The following NT5C3A variants were observed in gnomAD, a reference collection of about 807,000 sequenced individuals.
NT5C3A encodes 5'-nucleotidase, cytosolic IIIA, also known as cytosolic 5'-nucleotidase 3A.
NT5C3A carries 23 observed loss-of-function variants against 40.0 expected under a neutral mutation model. The ratio of observed to expected loss-of-function variants is 0.58; its 90% CI spans 0.41 to 0.81. NT5C3A has a LOEUF of 0.81. Among genes scored for constraint, NT5C3A ranks in the 40% least tolerant of loss-of-function variants. The pLI is 0.00. For missense variants in NT5C3A, 328 were observed against 403.0 expected (o/e 0.81, Z 1.59); for synonymous variants, 130 against 141.4 (o/e 0.92, Z 0.57).
intron 1 of NT5C3A, among the ~76,000 whole-genome samples, chr7:33,044,114 C>T (rs1787042892): frequency 6.6e-6 from 1 of 151,738 alleles, no homozygotes; most frequent in African/African-American, 2.4e-5. Context: ...GCAACCTCTG[C>T]CTTCCCAGGT....
chr7:33,017,712 C>T, intron 6 of NT5C3A, 111 bp from the exon 7 acceptor site: 2 of 868,146 alleles, frequency 2.3e-6, no homozygotes, highest in Admixed American at 1.8e-5. Flanking sequence ...CACTCATATT[C>T]TCATTTCAAT....
At chr7:33,021,748 A>T (rs1442242712) in intron 4 of NT5C3A, 2 of 427,464 alleles carry the variant, frequency 4.7e-6, no homozygotes, top group South Asian at 2.7e-5. Context: ...AAACCTATAG[A>T]AAACTGAAGT....
At position 33,014,661 on chromosome 7, in the gene NT5C3A, T is replaced by C. The variant is rs766101108; in HGVS notation, c.*69A>G. The stretch of plus-strand genomic sequence containing the variant: ...TAAGGATATATTATAAATAAGTCTC[T>C]CAGCAAGATGAACGGATGAACAGTT... On this transcript the variant is annotated 3_prime_UTR_variant, in exon 9 of 9. Coordinates refer to ENST00000610140, the MANE Select transcript of NT5C3A (RefSeq NM_001002010.5). 6.3e-7 allele frequency: 1 copy of C among 1,594,066 alleles called. No homozygotes were observed. Among genetic ancestry groups the C allele is most frequent in the East Asian group, 2.2e-5 (1 of 44,542 alleles).
chr7:33,045,440 G>T (rs1300601831), intron 1 of NT5C3A, among the ~76,000 whole-genome samples: 1 of 151,840 alleles, frequency 6.6e-6, no homozygotes, highest in Admixed American at 6.6e-5. Context: ...CATATTTTTT[G>T]AAAATGAATG....
intron 1 of NT5C3A, chr7:33,040,808 A>T: frequency 1.2e-6 from 1 of 823,700 alleles, no homozygotes; most frequent in Non-Finnish European, 1.5e-6. Context: ...AAGTTATAGA[A>T]TCAAATAAGA....
chr7:33,021,279 C>T lies in NT5C3A; in HGVS notation c.433G>A (p.Val145Met), dbSNP rs1395136393. 1.2e-6 allele frequency: 2 copies of T among 1,611,946 alleles called. No individual in the cohort carries two copies. The highest frequency in any genetic ancestry group is 1.7e-6 in the Non-Finnish European group (2 of 1,178,782). ...LTVEEKYPYMVEWYTKSHGLL... is the reference protein window; with the variant it reads ...LTVEEKYPYMMEWYTKSHGLL... ...TGCCTAATATACACTTACCATTCCA[C>T]CATATAAGGGTACTTCTCTTCTACA... Residue 145 changes from valine to methionine, a missense_variant, in exon 5 of 9, where the codon GTG becomes ATG. Physicochemically the swap from Val to Met is conservative, Grantham distance 21. Coordinates refer to ENST00000610140, the MANE Select transcript of NT5C3A (RefSeq NM_001002010.5).
intron 7 of NT5C3A, among the ~76,000 whole-genome samples, chr7:33,016,080 A>G (rs772465071): frequency 6.6e-6 from 1 of 152,134 alleles, no homozygotes; most frequent in Non-Finnish European, 1.5e-5. Context: ...TACTATTTTA[A>G]ATGGTAAAAC....
At position 33,017,529 on chromosome 7, in the gene NT5C3A, G is replaced by T; in HGVS notation, c.603C>A (p.Ile201=). Residue 201 remains isoleucine, a synonymous_variant, in exon 7 of 9, where the codon ATC becomes ATA. Coordinates refer to ENST00000610140, the MANE Select transcript of NT5C3A (RefSeq NM_001002010.5). The stretch of plus-strand genomic sequence containing the variant: ...GAATAACTTCCTCTAGTACATCGCC[G>T]ATTCCAGCCGAAAATATGAACACGG... ...SIPVFIFSAG[I]GDVLEEVIRQ... is the part of the protein sequence containing the mutation. The T allele has an allele frequency of 6.2e-7, 1 of 1,613,502 alleles. No individual in the cohort carries two copies. The highest frequency in any genetic ancestry group is 1.7e-4 in the Middle Eastern group (1 of 6,060).
chr7:33,051,404 C>T (rs999454214), intron 1 of NT5C3A, among the ~76,000 whole-genome samples: 7 of 152,010 alleles, frequency 4.6e-5, no homozygotes, highest in African/African-American at 1.4e-4. Context: ...CTTTGTGATC[C>T]GCCCGCCTCG....
chr7:33,047,792 A>G (rs1016690563), intron 1 of NT5C3A, among the ~76,000 whole-genome samples: 2 of 152,212 alleles, frequency 1.3e-5, no homozygotes, highest in African/African-American at 4.8e-5. Context: ...ATTGTATGAT[A>G]TAAAAAGAAT....
At position 33,062,563 on chromosome 7, in the gene NT5C3A, C is replaced by A. The variant is rs756667436; in HGVS notation, c.138+5G>T. The A allele has an allele frequency of 6.2e-7, 1 of 1,609,792 alleles. No homozygotes were observed. The highest frequency in any genetic ancestry group is 1.1e-5 in the South Asian group (1 of 90,816). ...GCTCTGGGCGCGCCGAGCCTCCACA[C>A]TCACCATCTCGATGATCTTGGTCTT... On this transcript the variant is annotated splice_donor_5th_base_variant and intron_variant, in intron 1 of 8. Transcript: ENST00000610140.
intron 1 of NT5C3A, among the ~76,000 whole-genome samples, chr7:33,027,671 G>C (rs1447469998): frequency 6.6e-6 from 1 of 151,428 alleles, no homozygotes; most frequent in Non-Finnish European, 1.5e-5. Flanking sequence ...GCAATCCAGA[G>C]AGCCCAGAAA....
intron 1 of NT5C3A, among the ~76,000 whole-genome samples, chr7:33,028,332 T>G (rs1786062125): frequency 6.6e-6 from 1 of 152,194 alleles, no homozygotes; most frequent in African/African-American, 2.4e-5. Flanking sequence ...AACAATTTAA[T>G]CTTAAGTATT....
At chr7:33,049,962 T>G (rs1583963409) in intron 1 of NT5C3A, among the ~76,000 whole-genome samples, 2 of 104,400 alleles carry the variant, frequency 1.9e-5, no homozygotes, top group Admixed American at 2.7e-4. Flanking sequence ...AGAGGGAGAC[T>G]CCATCTCAAA....
intron 1 of NT5C3A, among the ~76,000 whole-genome samples, chr7:33,052,485 CAAAAAAAAAAAAAA>C (rs60149792): frequency 2.7e-5 from 2 of 74,240 alleles, no homozygotes; most frequent in African/African-American, 5.6e-5. Context: ...GACTCGGTCT[CAAAAAAAAAAAAAA>C]AAAAAAAAAA....
In NT5C3A at chr7:33,053,476, G is replaced by A. The variant is rs369640280; in HGVS notation, c.138+9092C>T. Reference sequence around the variant, plus strand: ...GCTGGGATTACAGGCGTGAGCCACCGTGCCCAGCCACAAGACCCTGTCTCT... The same window carrying A: ...GCTGGGATTACAGGCGTGAGCCACCATGCCCAGCCACAAGACCCTGTCTCT... On this transcript the variant is annotated intron_variant, in intron 1 of 8. Transcript: ENST00000610140. 1.2e-4 allele frequency among the ~76,000 whole-genome samples: 18 copies of A among 152,144 alleles called. No individual in the cohort carries two copies. In the East Asian group the frequency reaches 1.4e-3, roughly 12 times the overall value.
At chr7:33,033,642 A>G (rs972592125) in intron 1 of NT5C3A, among the ~76,000 whole-genome samples, 1 of 152,108 alleles carries the variant, frequency 6.6e-6, no homozygotes, top group Non-Finnish European at 1.5e-5. Flanking sequence ...TCTGGGGTCA[A>G]AGGAGGAAGA....
chr7:33,017,119 G>A, intron 7 of NT5C3A: 1 of 279,822 alleles, frequency 3.6e-6, no homozygotes, highest in Non-Finnish European at 6.6e-6. Context: ...GGAGACAGAG[G>A]TTACAATGTG....
At chr7:33,043,091 G>A (rs1001469829) in intron 1 of NT5C3A, among the ~76,000 whole-genome samples, 9 of 152,038 alleles carry the variant, frequency 5.9e-5, no homozygotes, top group Admixed American at 1.3e-4. Flanking sequence ...ATTTACTGGT[G>A]GGCAAATTAA....
Sources: allele counts gnomAD v4.1 joint callset (sites outside exome capture counted in the v4.1 genomes callset), GRCh38; gene constraint gnomAD v4.1.1; transcripts MANE v1.5; gene names NCBI Gene and HGNC (gene_info 2026-07-23, HGNC 2026-07-21).